The following FLT3LG variants were observed in gnomAD, a reference collection of about 807,000 sequenced individuals.
FLT3LG encodes fms related receptor tyrosine kinase 3 ligand.
FLT3LG carries 8 observed loss-of-function variants against 30.9 expected under a neutral mutation model. The ratio of observed to expected loss-of-function variants is 0.26; its 90% CI spans 0.15 to 0.47. FLT3LG has a LOEUF of 0.47. FLT3LG is among the 20% of genes least tolerant of loss of function. The pLI is 0.99. For synonymous variants in FLT3LG, 123 were observed against 135.9 expected (o/e 0.91, Z 0.66); for missense variants, 278 against 306.2 (o/e 0.91, Z 0.69).
At chr19:49,475,190 G>A (rs61141826) in intron 2 of FLT3LG, among the ~76,000 whole-genome samples, 18,072 of 109,550 alleles carry the variant, frequency 0.16, 2,352 homozygotes, top group African/African-American at 0.37. Context: ...GGAGGGAGAC[G>A]GACAGAGGAG....
In FLT3LG at chr19:49,476,609, C is replaced by T. The variant is rs745652407; in HGVS notation, c.342+43C>T. On this transcript the variant is annotated intron_variant, in intron 5 of 8. Coordinates refer to ENST00000597551, the MANE Select transcript of FLT3LG (RefSeq NM_001459.4). This position sits in a 1 kb window ranked among gnomAD's most constrained non-coding sequence, Gnocchi z 5.3. Reference sequence around the variant, plus strand: ...GGGACAAGTGAGGGGAGGGAGATGCCTTCCTACGAATTAGAAGTAAAGCTC... The same window carrying T: ...GGGACAAGTGAGGGGAGGGAGATGCTTTCCTACGAATTAGAAGTAAAGCTC... 2 of 1,611,838 alleles carry T rather than the reference C, an allele frequency of 1.2e-6. No individual in the cohort carries two copies. Among genetic ancestry groups the T allele is most frequent in the East Asian group, 2.2e-5 (1 of 44,872 alleles).
chr19:49,485,161 C>T (rs569497025), intron 8 of FLT3LG, among the ~76,000 whole-genome samples: 5 of 143,588 alleles, frequency 3.5e-5, no homozygotes, highest in Admixed American at 1.4e-4. Context: ...GTGCACCGGC[C>T]CCATCTCAAG....
chr19:49,484,288 A>ATTTTTT (rs745909519), intron 8 of FLT3LG, among the ~76,000 whole-genome samples: 45 of 98,324 alleles, frequency 4.6e-4, no homozygotes, highest in Non-Finnish European at 7.1e-4. Context: ...TTTTATTATA[A>ATTTTTT]TTTTTTTTTT....
Position 49,476,801 on chromosome 19 carries a change from G to T in FLT3LG, c.342+235G>T. On this transcript the variant is annotated intron_variant, in intron 5 of 8. Transcript: ENST00000597551. The surrounding 1 kb of genome is among the most constrained non-coding windows in gnomAD (Gnocchi z 5.3). ...CCCGGTTTCCTAGGCCATGATGAAG[G>T]GTGCCACTGAGGGGTTCTTCCCCCA... The T allele has an allele frequency of 2.1e-6, 1 of 479,686 alleles. No individual in the cohort carries two copies. The allele number at this position is 479,686 out of a possible 1,614,324, so 29.7% of individuals were successfully genotyped here. A position where few individuals can be genotyped will look rare whatever the true frequency, so the allele number is the denominator to read the frequency against.
Position 49,474,629 on chromosome 19 carries a change from C to A in FLT3LG, c.-11C>A, listed in dbSNP as rs2079308707. 1.9e-6 allele frequency: 3 copies of A among 1,612,596 alleles called. No individual in the cohort carries two copies. Among genetic ancestry groups the A allele is most frequent in the Non-Finnish European group, 1.7e-6 (2 of 1,179,704 alleles). On this transcript the variant is annotated 5_prime_UTR_variant, in exon 2 of 9. Coordinates refer to ENST00000597551, the MANE Select transcript of FLT3LG (RefSeq NM_001459.4). ...CCCGGCGACAGGAGGCATGAGGGGC[C>A]CCCGGCCGAAATGACAGTGCTGGCG...
At chr19:49,484,962 G>T (rs992407796) in intron 8 of FLT3LG, among the ~76,000 whole-genome samples, 1 of 152,054 alleles carries the variant, frequency 6.6e-6, no homozygotes, top group Admixed American at 6.6e-5. Context: ...GCGTGCACCC[G>T]TAATCCCAGC....
intron 8 of FLT3LG, chr19:49,481,280 A>C (rs1323138002): frequency 1.3e-5 from 2 of 153,126 alleles, no homozygotes; most frequent in Non-Finnish European, 2.9e-5. Flanking sequence ...ACAGGGGGGA[A>C]CCTGGGGGAG....
At chr19:49,474,817 A>C in intron 2 of FLT3LG, 145 bp downstream of exon 2, 1 of 780,490 alleles carries the variant, frequency 1.3e-6, no homozygotes, top group Non-Finnish European at 2.0e-6. Flanking sequence ...GGGGAGATGG[A>C]TAGGAGAGGA....
In FLT3LG at chr19:49,476,488, T is replaced by A. The variant is rs1055623560; in HGVS notation, c.264T>A (p.Thr88=). Residue 88 remains threonine, a synonymous_variant, in exon 5 of 9, where the codon ACT becomes ACA. Transcript: ENST00000597551. The surrounding 1 kb of genome is among the most constrained non-coding windows in gnomAD (Gnocchi z 5.3). ...AGCGCTGGATGGAGCGGCTCAAGACTGTCGCTGGGTCCAAGATGCAAGGCT... is the reference window on the plus strand; with the variant it reads ...AGCGCTGGATGGAGCGGCTCAAGACAGTCGCTGGGTCCAAGATGCAAGGCT... ...LAQRWMERLK[T]VAGSKMQGLL... 1.9e-6 allele frequency: 3 copies of A among 1,614,022 alleles called. No individual in the cohort carries two copies. Among genetic ancestry groups the A allele is most frequent in the Non-Finnish European group, 2.5e-6 (3 of 1,180,028 alleles).
intron 8 of FLT3LG, chr19:49,482,293 T>C (rs572262341): frequency 2.6e-5 from 4 of 151,412 alleles, no homozygotes; most frequent in African/African-American, 9.7e-5. Context: ...ACTCGGCTAA[T>C]TTTTGTATTT....
intron 5 of FLT3LG, among the ~76,000 whole-genome samples, chr19:49,478,407 C>T (rs969639834): frequency 3.9e-5 from 6 of 151,964 alleles, no homozygotes; most frequent in Admixed American, 3.9e-4. Context: ...GCGGAGCTTG[C>T]AGTGAGCCGA....
intron 8 of FLT3LG, among the ~76,000 whole-genome samples, chr19:49,483,107 C>T (rs1373154398): frequency 1.3e-5 from 2 of 151,944 alleles, no homozygotes; most frequent in African/African-American, 2.4e-5. Context: ...CTTCAGCATC[C>T]AACGTATAGT....
intron 8 of FLT3LG, chr19:49,482,116 G>T (rs999404136): frequency 6.6e-6 from 1 of 151,358 alleles, no homozygotes; most frequent in Non-Finnish European, 1.5e-5. Context: ...ACCAAGATTT[G>T]ACTTCAGGTT....
At chr19:49,482,239 C>T (rs961337160) in intron 8 of FLT3LG, 10 of 152,092 alleles carry the variant, frequency 6.6e-5, no homozygotes, top group African/African-American at 2.4e-4. Context: ...GATTCTCCTG[C>T]CTCAGCCTCT....
At chr19:49,478,316 A>AAT (rs2079468913) in intron 5 of FLT3LG, among the ~76,000 whole-genome samples, 1 of 151,422 alleles carries the variant, frequency 6.6e-6, no homozygotes, top group South Asian at 2.1e-4. Flanking sequence ...AAATACAAAC[A>AAT]ATTAGCCGGG....
Position 49,480,494 on chromosome 19 carries a change from A to AG in FLT3LG, c.660+23dup, listed in dbSNP as rs1568675492. 1 of 1,595,304 alleles carries AG rather than the reference A, an allele frequency of 6.3e-7. No homozygotes were observed. The highest frequency in any genetic ancestry group is 8.5e-7 in the Non-Finnish European group (1 of 1,171,180). On this transcript the variant is annotated intron_variant, in intron 7 of 8. Coordinates refer to ENST00000597551, the MANE Select transcript of FLT3LG (RefSeq NM_001459.4). ...GGGAGCAGGTGAGCAGGCTGGGAAG[A>AG]GGGGGTGAGGGGGCCGAGAGGGTGG... is the stretch of plus-strand genomic sequence containing the variant.
chr19:49,476,297 C>G lies in FLT3LG; in HGVS notation c.198+99C>G, dbSNP rs1029686501. The G allele has an allele frequency of 6.9e-7, 1 of 1,450,748 alleles. No individual in the cohort carries two copies. Among genetic ancestry groups the G allele is most frequent in the African/African-American group, 1.4e-5 (1 of 71,908 alleles). 89.9% of individuals were successfully genotyped at this position (1,450,748 alleles called of 1,614,324 possible). A position where few individuals can be genotyped will look rare whatever the true frequency, so the allele number is the denominator to read the frequency against. On this transcript the variant is annotated intron_variant, in intron 4 of 8. Transcript: ENST00000597551. The surrounding 1 kb of genome is among the most constrained non-coding windows in gnomAD (Gnocchi z 5.3). ...ATAACCAGGCCCTCCCCTCCCCAAA[C>G]CCAGGAATCAGAGTCCTCAGCCCCT...
chr19:49,482,627 ATTTTT>A (rs59196692), intron 8 of FLT3LG, among the ~76,000 whole-genome samples: 10 of 141,242 alleles, frequency 7.1e-5, no homozygotes, highest in African/African-American at 2.6e-4. Context: ...TGGTAGCCAC[ATTTTT>A]TTTTTTTTTT....
intron 3 of FLT3LG, 159 bp from the exon 4 acceptor site, chr19:49,475,986 G>A (rs1422611395): frequency 2.0e-6 from 2 of 993,744 alleles, no homozygotes; most frequent in Non-Finnish European, 3.1e-6. Flanking sequence ...GTGCTTAGGG[G>A]TGTCATCCCT....
Sources: allele counts gnomAD v4.1 joint callset (sites outside exome capture counted in the v4.1 genomes callset), GRCh38; gene constraint gnomAD v4.1.1; non-coding constraint Gnocchi (gnomAD v3.1); transcripts MANE v1.5; gene names NCBI Gene and HGNC (gene_info 2026-07-23, HGNC 2026-07-21).